The following DUS1L variants were observed in gnomAD, a reference collection of about 807,000 sequenced individuals.
The protein encoded by DUS1L is tRNA-dihydrouridine(16/17) synthase [NAD(P)(+)]-like.
A neutral mutation model predicts 61.2 loss-of-function variants in DUS1L; 56 were observed. The ratio of observed to expected loss-of-function variants is 0.92; its 90% CI spans 0.74 to 1.14. DUS1L has a LOEUF of 1.14. Among genes scored for constraint, DUS1L ranks in the 50% most tolerant of loss-of-function variants. The pLI is 0.00. For missense variants in DUS1L, 630 were observed against 632.4 expected (o/e 1.00, Z 0.04); for synonymous variants, 278 against 259.5 (o/e 1.07, Z -0.69).
rs543017786 is a variant in DUS1L, at chr17:82,061,562, C to T, written c.697+56G>A. The stretch of plus-strand genomic sequence containing the variant: ...AGGCAGTGGGAGGCACCGACCTGGG[C>T]GGTGGTATCAGGCCGTGTGCATGGG... On this transcript the variant is annotated intron_variant, in intron 7 of 13. Transcript: ENST00000306796. The T allele has an allele frequency of 1.4e-5, 22 of 1,555,386 alleles. No homozygotes were observed. The East Asian group carries it at 1.8e-4, about 13-fold the overall frequency.
At chr17:82,065,152 T>C (rs1165441936) in intron 1 of DUS1L, 83 bp from the exon 2 acceptor site, 11 of 1,247,860 alleles carry the variant, frequency 8.8e-6, no homozygotes, top group Non-Finnish European at 1.2e-5. Context: ...GTCACCCTTC[T>C]AAGGCCGCTC....
intron 7 of DUS1L, 51 bp downstream of exon 7, chr17:82,061,567 G>GT (rs770645954): frequency 6.4e-7 from 1 of 1,566,656 alleles, no homozygotes; most frequent in Non-Finnish European, 8.7e-7. Flanking sequence ...CTGGGCGGTG[G>GT]TATCAGGCCG....
intron 11 of DUS1L, 101 bp from the exon 12 acceptor site, chr17:82,058,919 G>T: frequency 1.9e-6 from 2 of 1,072,240 alleles, no homozygotes; most frequent in Middle Eastern, 2.5e-4. Flanking sequence ...TGGCGTCCAT[G>T]CCAGCTGTGG....
Position 82,058,830 on chromosome 17 carries a change from A to G in DUS1L, c.1169-12T>C, listed in dbSNP as rs2033245038. On this transcript the variant is annotated splice_polypyrimidine_tract_variant and intron_variant, in intron 11 of 13. Coordinates refer to ENST00000306796, the MANE Select transcript of DUS1L (RefSeq NM_022156.5). The stretch of plus-strand genomic sequence containing the variant: ...CTTTGCATATTTTGCTAGGAAAAGA[A>G]CAAAAGGGTGCTGGTGAGTGAGGGC... 6.8e-6 allele frequency: 11 copies of G among 1,611,238 alleles called. No homozygotes were observed. The East Asian group carries it at 2.5e-4, about 36-fold the overall frequency.
At chr17:82,058,507 T>A in intron 12 of DUS1L, 91 bp from the exon 13 acceptor site, 2 of 1,471,082 alleles carry the variant, frequency 1.4e-6, no homozygotes, top group Non-Finnish European at 1.8e-6. Flanking sequence ...GGGAAGCCTC[T>A]GCCAGATGCC....
At position 82,058,143 on chromosome 17, in the gene DUS1L, G is replaced by A; in HGVS notation, c.1394C>T (p.Ser465Phe). 4 of 1,591,366 alleles carry A rather than the reference G, an allele frequency of 2.5e-6. No individual in the cohort carries two copies. The highest frequency in any genetic ancestry group is 3.4e-6 in the Non-Finnish European group (4 of 1,164,540). Residue 465 changes from serine to phenylalanine, a missense_variant, in exon 14 of 14, where the codon TCC becomes TTC. Coordinates refer to ENST00000306796, the MANE Select transcript of DUS1L (RefSeq NM_022156.5). ...GGCCAGGGCACTGCCCATGACTTCG[G>A]AGAAGCCACCTGGTGTTCCAGGTGC... ...PAAPGTPGGF[S>F]EVMGSALA
At chr17:82,063,081 G>T in intron 4 of DUS1L, 108 bp from the exon 5 acceptor site, 1 of 931,516 alleles carries the variant, frequency 1.1e-6, no homozygotes, top group Non-Finnish European at 1.7e-6. Context: ...CAGCTTTGCC[G>T]GGAGGCTGGG....
chr17:82,058,300 GTC>G, intron 13 of DUS1L, 39 bp downstream of exon 13: 1 of 1,533,902 alleles, frequency 6.5e-7, no homozygotes, highest in Non-Finnish European at 8.8e-7. Context: ...GGCGGAGGGG[GTC>G]TGTTTGCCTG....
At position 82,058,223 on chromosome 17, in the gene DUS1L, C is replaced by A. The variant is rs540579368; in HGVS notation, c.1314G>T (p.Glu438Asp). Reference sequence around the variant, plus strand: ...GGGCCTCTTTCCAGGCCAGAGACTTCTCCAATTTGGTTTTAAAAAGCAATC... The same window carrying A: ...GGGCCTCTTTCCAGGCCAGAGACTTATCCAATTTGGTTTTAAAAAGCAATC... Reference protein sequence around the residue: ...GHGLLFKTKLEKSLAWKEAQP... With the variant: ...GHGLLFKTKLDKSLAWKEAQP... The change falls in exon 14 of 14, where the codon GAG becomes GAT. Residue 438 changes from glutamate to aspartate, a missense_variant. Transcript: ENST00000306796. 3.1e-5 allele frequency: 50 copies of A among 1,589,704 alleles called. 1 individual carries two copies. Among genetic ancestry groups the A allele is most frequent in the South Asian group, 2.7e-4 (24 of 89,792 alleles).
In DUS1L at chr17:82,058,264, C is replaced by T. The variant is rs765728253; in HGVS notation, c.1283-10G>A. The T allele has an allele frequency of 2.1e-4, 333 of 1,568,746 alleles. No individual in the cohort carries two copies. The highest frequency in any genetic ancestry group is 1.0e-3 in the Middle Eastern group (6 of 5,918). On this transcript the variant is annotated splice_polypyrimidine_tract_variant and intron_variant, in intron 13 of 13. Transcript: ENST00000306796. ...AAAAGCAATCCGTGACCTGGCAGAG[C>T]GAGTGAGAGGAGTCGGGGGTCAGGA...
intron 2 of DUS1L, 66 bp downstream of exon 2, chr17:82,064,756 GT>G: frequency 3.4e-6 from 5 of 1,461,318 alleles, no homozygotes; most frequent in Non-Finnish European, 4.6e-6. Flanking sequence ...AGAGAGAAGG[GT>G]TTTTCCCCAG....
chr17:82,065,079 A>T lies in DUS1L; in HGVS notation c.-10-10T>A. 6.3e-7 allele frequency: 1 copy of T among 1,575,466 alleles called. No homozygotes were observed. Among genetic ancestry groups the T allele is most frequent in the Non-Finnish European group, 8.6e-7 (1 of 1,159,512 alleles). ...TGGCATCGTCTCCAGGCTGGGGGAA[A>T]GGCGCAGACCCGGGGTTCAGCCAGG... On this transcript the variant is annotated splice_polypyrimidine_tract_variant and intron_variant, in intron 1 of 13. Coordinates refer to ENST00000306796, the MANE Select transcript of DUS1L (RefSeq NM_022156.5).
At position 82,060,340 on chromosome 17, in the gene DUS1L, G is replaced by C. The variant is rs550647933; in HGVS notation, c.1023-247C>G. On this transcript the variant is annotated intron_variant, in intron 10 of 13. Transcript: ENST00000306796. ...AACCACCAGCTCCAGGGAGGGCTGT[G>C]GCCACGGATGGCCTCACCTCTGAGA... 11 of 596,896 alleles carry C rather than the reference G, an allele frequency of 1.8e-5. No individual in the cohort carries two copies. In the African/African-American group the frequency reaches 1.9e-4, roughly 10 times the overall value. The allele number at this position is 596,896 out of a possible 1,614,324, so 37.0% of individuals were successfully genotyped here.
chr17:82,063,938 C>A (rs2033636795), intron 3 of DUS1L, among the ~76,000 whole-genome samples, 188 bp downstream of exon 3: 1 of 152,224 alleles, frequency 6.6e-6, no homozygotes, highest in African/African-American at 2.4e-5. Flanking sequence ...AGGGCTCGGC[C>A]CCTAGCCCCC....
chr17:82,059,115 A>C, intron 11 of DUS1L: 1 of 441,850 alleles, frequency 2.3e-6, no homozygotes, highest in Non-Finnish European at 4.2e-6. Flanking sequence ...AGGCAGGGAC[A>C]AGGGGAGCAG....
chr17:82,061,823 C>A (rs535933262), intron 6 of DUS1L, 78 bp downstream of exon 6: 35 of 1,591,960 alleles, frequency 2.2e-5, no homozygotes, highest in South Asian at 6.7e-5. Context: ...TCAGGCGTGC[C>A]GAGCACCCTG....
Position 82,058,218 on chromosome 17 carries a change from G to T in DUS1L, c.1319C>A (p.Ser440Tyr). Reference protein sequence around the residue: ...GLLFKTKLEKSLAWKEAQPEL... With the variant: ...GLLFKTKLEKYLAWKEAQPEL... ...AGGCTGGGCCTCTTTCCAGGCCAGA[G>T]ACTTCTCCAATTTGGTTTTAAAAAG... Residue 440 changes from serine to tyrosine, a missense_variant, in exon 14 of 14, where the codon TCT becomes TAT. Coordinates refer to ENST00000306796, the MANE Select transcript of DUS1L (RefSeq NM_022156.5). 1 of 1,593,476 alleles carries T rather than the reference G, an allele frequency of 6.3e-7. No individual in the cohort carries two copies.
chr17:82,058,463 G>A lies in DUS1L; in HGVS notation c.1207-47C>T, dbSNP rs372944774. 8 of 1,476,792 alleles carry A rather than the reference G, an allele frequency of 5.4e-6. No homozygotes were observed. The African/African-American group carries it at 9.8e-5, about 18-fold the overall frequency. The allele number at this position is 1,476,792 out of a possible 1,614,324, so 91.5% of individuals were successfully genotyped here. A position where few individuals can be genotyped will look rare whatever the true frequency, so the allele number is the denominator to read the frequency against. ...AGCCTGTGGCCAGCACCACTCCCGGGGCCAGGCTGGCCAGCAGGGGAGCAG... is the reference window on the plus strand; with the variant it reads ...AGCCTGTGGCCAGCACCACTCCCGGAGCCAGGCTGGCCAGCAGGGGAGCAG... On this transcript the variant is annotated intron_variant, in intron 12 of 13. Coordinates refer to ENST00000306796, the MANE Select transcript of DUS1L (RefSeq NM_022156.5).
At chr17:82,063,216 T>C (rs1598558609) in intron 4 of DUS1L, 1 of 633,664 alleles carries the variant, frequency 1.6e-6, no homozygotes, top group East Asian at 2.7e-5. Flanking sequence ...CCAGGACATC[T>C]GGGGCTGGGC....
Sources: gnomAD v4.1 joint callset for allele counts (sites outside exome capture counted in the v4.1 genomes callset) on GRCh38, gnomAD v4.1.1 for gene constraint, MANE v1.5 for transcripts, NCBI Gene and HGNC (gene_info 2026-07-23, HGNC 2026-07-21) for gene names.